Variants in ZSCAN30 observed in about 807,000 individuals in gnomAD.
ZSCAN30 encodes the protein zinc finger and SCAN domain containing 30, also known as zinc finger and SCAN domain-containing protein 30.
Under a neutral mutation model 44.3 loss-of-function variants are expected in ZSCAN30, and 37 were observed. That is an observed-to-expected ratio of 0.84 (90% CI 0.64 to 1.10). ZSCAN30 has a LOEUF of 1.10. ZSCAN30 is among the 50% of genes least tolerant of loss of function. The probability of loss-of-function intolerance (pLI) is 0.00; values close to 1 mark genes in which losing one functional copy is unlikely to be tolerated. For missense variants in ZSCAN30, 549 were observed against 582.6 expected, an observed-to-expected ratio of 0.94 and a Z score of 0.59; for synonymous variants, 181 against 204.6, an observed-to-expected ratio of 0.88 and a Z score of 0.98.
chr18:35,271,146 C>G (rs187448806), intron 1 of ZSCAN30, among the ~76,000 whole-genome samples: 1 of 152,122 alleles, frequency 6.6e-6, no homozygotes, highest in African/African-American at 2.4e-5. Context: ...AAAAACCCTC[C>G]GCACTGTGGA....
intron 1 of ZSCAN30, chr18:35,283,925 A>C (rs555804943): frequency 9.8e-5 from 15 of 152,542 alleles, no homozygotes; most frequent in African/African-American, 3.6e-4. Context: ...TATGTAGACA[A>C]GTGGAGGCTG....
In ZSCAN30 at chr18:35,263,664, G is replaced by A. The variant is rs1414248904; in HGVS notation, c.409-7C>T. The A allele has an allele frequency of 6.2e-6, 10 of 1,614,038 alleles. No individual in the cohort carries two copies. Among genetic ancestry groups the A allele is most frequent in the African/African-American group, 5.3e-5 (4 of 75,012 alleles). ...CTTGGCCATGAGTTGTGTCCTAGGA[G>A]TAATCAAGTACCAGCACTATCATTC... On this transcript the variant is annotated splice_region_variant and splice_polypyrimidine_tract_variant and intron_variant, in intron 2 of 3. Transcript: ENST00000333206.
chr18:35,254,369 A>T lies in ZSCAN30; in HGVS notation c.566T>A (p.Val189Glu). The T allele has an allele frequency of 6.2e-7, 1 of 1,613,940 alleles. No individual in the cohort carries two copies. Among genetic ancestry groups the T allele is most frequent in the Non-Finnish European group, 8.5e-7 (1 of 1,179,798 alleles). ...CTTTGCCATCAACACTTTGCCAGCCACCATCCTGCCATCTAAAAATGTGAA... is the reference window on the plus strand; with the variant it reads ...CTTTGCCATCAACACTTTGCCAGCCTCCATCCTGCCATCTAAAAATGTGAA... ...QAFQERDGRM[V>E]AGKVLMAKQE... The change falls in exon 4 of 4, where the codon GTG (valine) becomes GAG (glutamate). Residue 189 changes from valine to glutamate, a missense_variant. Physicochemically the swap from Val to Glu is moderately radical, Grantham distance 121. Coordinates refer to ENST00000333206, the MANE Select transcript of ZSCAN30 (RefSeq NM_001112734.4).
intron 1 of ZSCAN30, chr18:35,283,389 C>G (rs1295100367): frequency 6.6e-6 from 1 of 152,454 alleles, no homozygotes; most frequent in African/African-American, 2.4e-5. Context: ...CTTTTCTAGT[C>G]AGAAACCTCT....
At chr18:35,273,761 T>G (rs1598643331) in intron 1 of ZSCAN30, among the ~76,000 whole-genome samples, 4 of 152,342 alleles carry the variant, frequency 2.6e-5, no homozygotes. Context: ...GTAGCTTAAT[T>G]AAATCAGGAA....
chr18:35,282,182 G>A (rs576325709), intron 1 of ZSCAN30: 1 of 152,280 alleles, frequency 6.6e-6, no homozygotes, highest in South Asian at 2.1e-4. Context: ...CACAATATGT[G>A]TTAATAGTTA....
chr18:35,272,250 G>A (rs1310245115), intron 1 of ZSCAN30, among the ~76,000 whole-genome samples: 22 of 151,726 alleles, frequency 1.4e-4, no homozygotes, highest in Middle Eastern at 3.5e-3. Flanking sequence ...GGCTGGTCTC[G>A]AACTCCTGAC....
chr18:35,278,522 C>T (rs989542241), intron 1 of ZSCAN30, among the ~76,000 whole-genome samples: 2 of 152,174 alleles, frequency 1.3e-5, no homozygotes, highest in Non-Finnish European at 2.9e-5. Flanking sequence ...AATTTCTATC[C>T]TGGATTCTGC....
At position 35,253,659 on chromosome 18, in the gene ZSCAN30, A is replaced by T. The variant is rs770526476; in HGVS notation, c.1276T>A (p.Ser426Thr). Residue 426 changes from serine (S) to threonine (T), a missense_variant, in exon 4 of 4, where the codon TCT becomes ACT. Transcript: ENST00000333206. Reference sequence around the variant, plus strand: ...ATTCTTTGATGTTCAATAAGGATAGAACTCCTACCAAAAGCCTTACCACAT... The same window carrying T: ...ATTCTTTGATGTTCAATAAGGATAGTACTCCTACCAAAAGCCTTACCACAT... The part of the protein sequence containing the change: ...IACGKAFGRS[S>T]ILIEHQRIHT... 12 of 1,614,024 alleles carry T rather than the reference A, an allele frequency of 7.4e-6. No homozygotes were observed. Among genetic ancestry groups the T allele is most frequent in the Non-Finnish European group, 8.5e-6 (10 of 1,180,032 alleles).
intron 3 of ZSCAN30, chr18:35,259,841 C>A (rs1363376722): frequency 6.6e-6 from 1 of 152,582 alleles, no homozygotes; most frequent in African/African-American, 2.4e-5. Flanking sequence ...AGGCAGGGGA[C>A]CTGATGAGAT....
At chr18:35,260,161 T>G (rs531901258) in intron 3 of ZSCAN30, 1 of 152,356 alleles carries the variant, frequency 6.6e-6, no homozygotes, top group Admixed American at 6.5e-5. Flanking sequence ...GGCTTCAGGC[T>G]CCATCTATGT....
chr18:35,269,842 C>CAAAAAAAAA (rs201619360), intron 1 of ZSCAN30: 1 of 92,108 alleles, frequency 1.1e-5, no homozygotes, highest in Non-Finnish European at 2.2e-5. Flanking sequence ...AATGAGTGGC[C>CAAAAAAAAA]AAAAAAAAAA....
chr18:35,278,679 A>G (rs2044406191), intron 1 of ZSCAN30, among the ~76,000 whole-genome samples: 1 of 152,174 alleles, frequency 6.6e-6, no homozygotes, highest in African/African-American at 2.4e-5. Flanking sequence ...TTTCCTCCTC[A>G]GTGTATCTCT....
chr18:35,259,960 C>T (rs1243216357), intron 3 of ZSCAN30: 2 of 152,374 alleles, frequency 1.3e-5, no homozygotes, highest in Non-Finnish European at 2.9e-5. Flanking sequence ...CACCTATCAA[C>T]CCATCACCTA....
At chr18:35,264,912 C>A (rs757406933) in intron 1 of ZSCAN30, among the ~76,000 whole-genome samples, 1 of 152,046 alleles carries the variant, frequency 6.6e-6, no homozygotes, top group African/African-American at 2.4e-5. Flanking sequence ...TTTGGGAGGC[C>A]GAGGCGGGAG....
At chr18:35,272,664 T>C (rs182381716) in intron 1 of ZSCAN30, among the ~76,000 whole-genome samples, 230 of 152,364 alleles carry the variant, frequency 1.5e-3, no homozygotes, top group African/African-American at 5.4e-3. Context: ...AAGATTTTTA[T>C]GGTAAAACAC....
intron 1 of ZSCAN30, among the ~76,000 whole-genome samples, chr18:35,287,097 C>A (rs2044565980): frequency 6.6e-6 from 1 of 152,026 alleles, no homozygotes; most frequent in African/African-American, 2.4e-5. Flanking sequence ...ATAGATCTGT[C>A]AAAAGTTATG....
intron 3 of ZSCAN30, chr18:35,257,946 A>G (rs772865643): frequency 2.6e-5 from 20 of 780,922 alleles, no homozygotes; most frequent in Admixed American, 1.9e-4. Flanking sequence ...TGAAGAACAC[A>G]TCGTCAATAA....
Position 35,251,251 on chromosome 18 carries a change from T to C in ZSCAN30, c.*2199A>G, listed in dbSNP as rs1337383982. On this transcript the variant is annotated 3_prime_UTR_variant, in exon 4 of 4. Coordinates refer to ENST00000333206, the MANE Select transcript of ZSCAN30 (RefSeq NM_001112734.4). The stretch of plus-strand genomic sequence containing the variant: ...AATGTTAACAACGTTTCTATGGGCA[T>C]TGGGATTGGGGGTGGTTTATACTTT... 1 of 152,206 alleles carries C rather than the reference T, an allele frequency of 6.6e-6. No homozygotes were observed. The highest frequency in any genetic ancestry group is 1.5e-5 in the Non-Finnish European group (1 of 68,030). 9.4% of individuals were successfully genotyped at this position (152,206 alleles called of 1,614,324 possible). A position where few individuals can be genotyped will look rare whatever the true frequency, so the allele number is the denominator to read the frequency against.
Sources: allele counts gnomAD v4.1 joint callset (sites outside exome capture counted in the v4.1 genomes callset), GRCh38; gene constraint gnomAD v4.1.1; transcripts MANE v1.5; gene names NCBI Gene and HGNC (gene_info 2026-07-23, HGNC 2026-07-21).